The following ABHD15 variants were observed in gnomAD, a reference collection of about 807,000 sequenced individuals.
ABHD15 encodes abhydrolase domain containing 15.
Under a neutral mutation model 34.4 loss-of-function variants are expected in ABHD15, and 34 were observed. That is an observed-to-expected ratio of 0.99 (90% CI 0.75 to 1.32). ABHD15 has a LOEUF of 1.32. Ranked by LOEUF, ABHD15 falls within the 40% of genes most tolerant of loss-of-function variation. The pLI, the probability that ABHD15 is intolerant of heterozygous loss-of-function variation, is 0.00. For synonymous variants in ABHD15, 314 were observed against 299.2 expected, an observed-to-expected ratio of 1.05 and a Z score of -0.51; for missense variants, 644 against 650.4, an observed-to-expected ratio of 0.99 and a Z score of 0.11.
rs1214851736 is a variant in ABHD15, at chr17:29,566,078, T to A, written c.881+8A>T. Reference sequence around the variant, plus strand: ...TTTCCATGCTGGTCTGCGGCCTCCGTTACCCACCTGCTGAGGGCGATCTTC... The same window carrying A: ...TTTCCATGCTGGTCTGCGGCCTCCGATACCCACCTGCTGAGGGCGATCTTC... On this transcript the variant is annotated splice_region_variant and intron_variant, in intron 1 of 1. Transcript: ENST00000307201. 1.3e-6 allele frequency: 2 copies of A among 1,524,006 alleles called. No individual in the cohort carries two copies. The highest frequency in any genetic ancestry group is 4.6e-5 in the East Asian group (2 of 43,824). 94.4% of individuals were successfully genotyped at this position (1,524,006 alleles called of 1,614,324 possible).
rs1215654793 is a variant in ABHD15, at chr17:29,560,611, T to C, written c.*1950A>G. 1 of 152,072 alleles carries C rather than the reference T, an allele frequency of 6.6e-6. No individual in the cohort carries two copies. The highest frequency in any genetic ancestry group is 2.4e-5 in the African/African-American group (1 of 41,404). 9.4% of individuals were successfully genotyped at this position (152,072 alleles called of 1,614,324 possible). A position where few individuals can be genotyped will look rare whatever the true frequency, so the allele number is the denominator to read the frequency against. ...GCAAAAGAACGTCAGATGAGGAATA[T>C]GGAGGAGGAGAAACAAGAAGTGGGG... On this transcript the variant is annotated 3_prime_UTR_variant, in exon 2 of 2. Transcript: ENST00000307201.
intron 1 of ABHD15, among the ~76,000 whole-genome samples, chr17:29,564,024 GC>G (rs1350550858): frequency 6.6e-6 from 1 of 152,198 alleles, no homozygotes; most frequent in Non-Finnish European, 1.5e-5. Context: ...TGCCCACTAG[GC>G]CTGTCATTCA....
At position 29,566,995 on chromosome 17, in the gene ABHD15, CG is replaced by C; in HGVS notation, c.-30del. 1 of 1,283,774 alleles carries C rather than the reference CG, an allele frequency of 7.8e-7. No homozygotes were observed. The highest frequency in any genetic ancestry group is 2.6e-5 in the South Asian group (1 of 38,864). The allele number at this position is 1,283,774 out of a possible 1,614,324, so 79.5% of individuals were successfully genotyped here. On this transcript the variant is annotated 5_prime_UTR_variant, in exon 1 of 2. Transcript: ENST00000307201. Reference sequence around the variant, plus strand: ...GAAGCTGGAGAGCCCCGGCGGGCAGCGGGCGGCGGGGCCGTCTACTCGGCGA... The same window carrying C: ...GAAGCTGGAGAGCCCCGGCGGGCAGCGGCGGCGGGGCCGTCTACTCGGCGA...
chr17:29,566,657 G>T lies in ABHD15; in HGVS notation c.310C>A (p.Pro104Thr). ...AAGTGGCAGAGGGTCTGCAGGTGGG[G>T]CCCGGAGAACCAGGAGCGCGGGCCG... is the stretch of plus-strand genomic sequence containing the variant. ...EAGPRSWFSG[P>T]HLQTLCHFVL... Residue 104 changes from proline to threonine, a missense_variant, in exon 1 of 2, where the codon CCC becomes ACC. Coordinates refer to ENST00000307201, the MANE Select transcript of ABHD15 (RefSeq NM_198147.3). 6.2e-7 allele frequency: 1 copy of T among 1,603,434 alleles called. No individual in the cohort carries two copies.
rs1388708616 is a variant in ABHD15 at position 29,566,083 on chromosome 17, C to T, written c.881+3G>A. The T allele has an allele frequency of 2.0e-6, 3 of 1,527,164 alleles. No individual in the cohort carries two copies. In the East Asian group the frequency reaches 6.9e-5, roughly 35 times the overall value. 94.6% of individuals were successfully genotyped at this position (1,527,164 alleles called of 1,614,324 possible). A position where few individuals can be genotyped will look rare whatever the true frequency, so the allele number is the denominator to read the frequency against. On this transcript the variant is annotated splice_donor_region_variant and intron_variant, in intron 1 of 1. Transcript: ENST00000307201. ...ATGCTGGTCTGCGGCCTCCGTTACCCACCTGCTGAGGGCGATCTTCTGGTG... is the reference window on the plus strand; with the variant it reads ...ATGCTGGTCTGCGGCCTCCGTTACCTACCTGCTGAGGGCGATCTTCTGGTG...
chr17:29,563,311 CCAA>C (rs1168664898), intron 1 of ABHD15, among the ~76,000 whole-genome samples: 1 of 151,664 alleles, frequency 6.6e-6, no homozygotes, highest in Non-Finnish European at 1.5e-5. Flanking sequence ...CTCTGGGAGG[CCAA>C]CGAGGTGGGT....
In ABHD15 at chr17:29,566,073, C is replaced by G; in HGVS notation, c.881+13G>C. ...TATTCTTTCCATGCTGGTCTGCGGC[C>G]TCCGTTACCCACCTGCTGAGGGCGA... On this transcript the variant is annotated intron_variant, in intron 1 of 1. Transcript: ENST00000307201. The G allele has an allele frequency of 1.3e-6, 2 of 1,519,264 alleles. No individual in the cohort carries two copies. Among genetic ancestry groups the G allele is most frequent in the Non-Finnish European group, 1.8e-6 (2 of 1,134,652 alleles). 94.1% of individuals were successfully genotyped at this position (1,519,264 alleles called of 1,614,324 possible).
Position 29,562,279 on chromosome 17 carries a change from G to C in ABHD15, c.*282C>G. The C allele has an allele frequency of 3.0e-6, 1 of 330,532 alleles. No homozygotes were observed. Among genetic ancestry groups the C allele is most frequent in the Non-Finnish European group, 5.6e-6 (1 of 180,004 alleles). 20.5% of individuals were successfully genotyped at this position (330,532 alleles called of 1,614,324 possible). Reference sequence around the variant, plus strand: ...TTGAAAAAGTGCTATCCTTTGGCTTGTGATGTCAGTGACAGGTGACAGTGA... The same window carrying C: ...TTGAAAAAGTGCTATCCTTTGGCTTCTGATGTCAGTGACAGGTGACAGTGA... On this transcript the variant is annotated 3_prime_UTR_variant, in exon 2 of 2. Transcript: ENST00000307201.
chr17:29,565,091 CA>C (rs572831276), intron 1 of ABHD15, among the ~76,000 whole-genome samples: 2 of 151,266 alleles, frequency 1.3e-5, no homozygotes, highest in African/African-American at 2.4e-5. Context: ...CCGTCTCTAC[CA>C]AAAAAAATAT....
intron 1 of ABHD15, among the ~76,000 whole-genome samples, chr17:29,564,208 C>T (rs991564593): frequency 6.6e-6 from 1 of 152,274 alleles, no homozygotes; most frequent in Admixed American, 6.5e-5. Context: ...CAGCAGGTGA[C>T]ACCTCTGCTA....
At position 29,563,095 on chromosome 17, in the gene ABHD15, G is replaced by C. The variant is rs201245024; in HGVS notation, c.882-9C>G. ...CCAGGGCTGTGGCATACCTGGCAGC[G>C]AGGTGTTTAGTGGGGAAGGTGGGAA... On this transcript the variant is annotated splice_polypyrimidine_tract_variant and intron_variant, in intron 1 of 1. Coordinates refer to ENST00000307201, the MANE Select transcript of ABHD15 (RefSeq NM_198147.3). The C allele has an allele frequency of 6.3e-6, 10 of 1,593,050 alleles. No homozygotes were observed. Among genetic ancestry groups the C allele is most frequent in the African/African-American group, 5.4e-5 (4 of 74,680 alleles).
Position 29,562,358 on chromosome 17 carries a change from G to A in ABHD15, c.*203C>T. ...GTAGGGATATGTTGAGCAGAGGCCA[G>A]GCAGGAGTTCTGCTGAGGATGAAGT... On this transcript the variant is annotated 3_prime_UTR_variant, in exon 2 of 2. Transcript: ENST00000307201. 2 of 557,078 alleles carry A rather than the reference G, an allele frequency of 3.6e-6. No homozygotes were observed. Among genetic ancestry groups the A allele is most frequent in the Non-Finnish European group, 3.1e-6 (1 of 323,688 alleles). 34.5% of individuals were successfully genotyped at this position (557,078 alleles called of 1,614,324 possible).
Position 29,562,436 on chromosome 17 carries a change from G to T in ABHD15, c.*125C>A, listed in dbSNP as rs1159529491. Reference sequence around the variant, plus strand: ...TCTTTCAAGGCACCAATTTAAGAGAGAGGGACTGAATGAGGAGCACAGAGC... The same window carrying T: ...TCTTTCAAGGCACCAATTTAAGAGATAGGGACTGAATGAGGAGCACAGAGC... On this transcript the variant is annotated 3_prime_UTR_variant, in exon 2 of 2. Coordinates refer to ENST00000307201, the MANE Select transcript of ABHD15 (RefSeq NM_198147.3). The T allele has an allele frequency of 1.8e-6, 2 of 1,092,724 alleles. No individual in the cohort carries two copies. Among genetic ancestry groups the T allele is most frequent in the African/African-American group, 1.6e-5 (1 of 63,172 alleles). 67.7% of individuals were successfully genotyped at this position (1,092,724 alleles called of 1,614,324 possible). A position where few individuals can be genotyped will look rare whatever the true frequency, so the allele number is the denominator to read the frequency against.
chr17:29,563,662 C>T (rs556092618), intron 1 of ABHD15, among the ~76,000 whole-genome samples: 11 of 152,102 alleles, frequency 7.2e-5, no homozygotes, highest in African/African-American at 2.2e-4. Flanking sequence ...GAGATTGAGA[C>T]CATCCTGGCC....
chr17:29,563,527 C>T (rs936585136), intron 1 of ABHD15, among the ~76,000 whole-genome samples: 8 of 151,822 alleles, frequency 5.3e-5, no homozygotes, highest in Middle Eastern at 3.2e-3. Context: ...GCCTGGGTGA[C>T]ACAGAGAGAC....
chr17:29,562,051 G>T lies in ABHD15; in HGVS notation c.*510C>A. 6.5e-6 allele frequency: 1 copy of T among 152,920 alleles called. No individual in the cohort carries two copies. The highest frequency in any genetic ancestry group is 6.5e-5 in the Admixed American group (1 of 15,364). 9.5% of individuals were successfully genotyped at this position (152,920 alleles called of 1,614,324 possible). A position where few individuals can be genotyped will look rare whatever the true frequency, so the allele number is the denominator to read the frequency against. ...TTCTCACACACACAAGCCTGCTGCC[G>T]CAGTTGCCAGAGCATTCGGTCAAAG... On this transcript the variant is annotated 3_prime_UTR_variant, in exon 2 of 2. Coordinates refer to ENST00000307201, the MANE Select transcript of ABHD15 (RefSeq NM_198147.3).
In ABHD15 at chr17:29,562,439, G is replaced by A; in HGVS notation, c.*122C>T. The A allele has an allele frequency of 9.0e-7, 1 of 1,109,210 alleles. No individual in the cohort carries two copies. The highest frequency in any genetic ancestry group is 1.3e-6 in the Non-Finnish European group (1 of 780,200). 68.7% of individuals were successfully genotyped at this position (1,109,210 alleles called of 1,614,324 possible). On this transcript the variant is annotated 3_prime_UTR_variant, in exon 2 of 2. Transcript: ENST00000307201. ...TTCAAGGCACCAATTTAAGAGAGAG[G>A]GACTGAATGAGGAGCACAGAGCTGG...
At position 29,562,754 on chromosome 17, in the gene ABHD15, T is replaced by A. The variant is rs1350941601; in HGVS notation, c.1214A>T (p.His405Leu). The A allele has an allele frequency of 1.2e-6, 2 of 1,614,122 alleles. No individual in the cohort carries two copies. Among genetic ancestry groups the A allele is most frequent in the Non-Finnish European group, 1.7e-6 (2 of 1,179,990 alleles). The change falls in exon 2 of 2, where the codon CAT becomes CTT. Residue 405 changes from histidine (H) to leucine (L), a missense_variant. Physicochemically the swap from His to Leu is moderately conservative, Grantham distance 99. Coordinates refer to ENST00000307201, the MANE Select transcript of ABHD15 (RefSeq NM_198147.3). ...CCGGAAGGACTCCAAGATGACCTCA[T>A]GGCTCCAGGCTGGCAAGGGCTCCTG... ...LRQEPLPAWS[H>L]EVILESFRAL...
In ABHD15 at chr17:29,566,999, C is replaced by T; in HGVS notation, c.-33G>A. 7.8e-7 allele frequency: 1 copy of T among 1,275,008 alleles called. No individual in the cohort carries two copies. 79.0% of individuals were successfully genotyped at this position (1,275,008 alleles called of 1,614,324 possible). ...CTGGAGAGCCCCGGCGGGCAGCGGG[C>T]GGCGGGGCCGTCTACTCGGCGAGCT... On this transcript the variant is annotated 5_prime_UTR_variant, in exon 1 of 2. Coordinates refer to ENST00000307201, the MANE Select transcript of ABHD15 (RefSeq NM_198147.3).
Sources: allele counts gnomAD v4.1 joint callset (sites outside exome capture counted in the v4.1 genomes callset), GRCh38; gene constraint gnomAD v4.1.1; transcripts MANE v1.5; gene names NCBI Gene and HGNC (gene_info 2026-07-23, HGNC 2026-07-21).